Variants in SPIDR observed in about 807,000 individuals in gnomAD.
SPIDR encodes the protein scaffold protein involved in DNA repair, also known as DNA repair-scaffolding protein.
A neutral mutation model predicts 104.6 loss-of-function variants in SPIDR; 93 were observed. The ratio of observed to expected loss-of-function variants is 0.89; its 90% CI spans 0.75 to 1.06. SPIDR has a LOEUF of 1.06. Ranked by LOEUF, SPIDR falls within the 50% of genes least tolerant of loss-of-function variation. The pLI is 0.00. For missense variants in SPIDR, 1,154 were observed against 1,111.2 expected, an observed-to-expected ratio of 1.04 and a Z score of -0.55; for synonymous variants, 431 against 416.9, an observed-to-expected ratio of 1.03 and a Z score of -0.41.
At chr8:47,417,981 A>G (rs1051723088) in intron 7 of SPIDR, among the ~76,000 whole-genome samples, 13 of 152,042 alleles carry the variant, frequency 8.6e-5, no homozygotes, top group Non-Finnish European at 1.6e-4. Context: ...CCATTGGTCT[A>G]TGTCTCTGTT....
At chr8:47,579,619 CT>C (rs1479712405) in intron 8 of SPIDR, among the ~76,000 whole-genome samples, 10 of 152,284 alleles carry the variant, frequency 6.6e-5, no homozygotes, top group Admixed American at 2.6e-4. Flanking sequence ...CACAGGGACC[CT>C]TGTACAGTAC....
intron 5 of SPIDR, 28 bp from the exon 6 acceptor site, chr8:47,396,348 A>G (rs782067492): frequency 4.6e-5 from 70 of 1,526,184 alleles, no homozygotes; most frequent in Non-Finnish European, 5.6e-5. Flanking sequence ...GTATTTAAAA[A>G]TATGCCTTTC....
intron 5 of SPIDR, among the ~76,000 whole-genome samples, chr8:47,346,931 G>T (rs1334171848): frequency 2.6e-5 from 4 of 151,930 alleles, no homozygotes; most frequent in Admixed American, 2.0e-4. Context: ...TTTTTGAAGG[G>T]TTTTTTTGTG....
In SPIDR at chr8:47,277,669, C is replaced by CTTTTTT. The variant is rs1209041690; in HGVS notation, c.34-2176_34-2171dup. On this transcript the variant is annotated intron_variant, in intron 1 of 19. Transcript: ENST00000297423. ...TTGTGCCCTACCCTGTGTTTAACCT[C>CTTTTTT]TTTTTTTTTTTTTTTTTTTTTTGAG... Among the ~76,000 whole-genome samples, 3 of 110,506 alleles carry CTTTTTT rather than the reference C, an allele frequency of 2.7e-5. 1 individual carries two copies. Among genetic ancestry groups the CTTTTTT allele is most frequent in the Non-Finnish European group, 3.7e-5 (2 of 53,570 alleles). The allele number at this position is 110,506 out of a possible 152,430, so 72.5% of individuals were successfully genotyped here.
intron 6 of SPIDR, among the ~76,000 whole-genome samples, chr8:47,402,445 T>C (rs1290312962): frequency 1.3e-5 from 2 of 152,042 alleles, no homozygotes; most frequent in African/African-American, 4.8e-5. Context: ...ACGAAATTGA[T>C]AGACTGCTAG....
chr8:47,578,498 A>G (rs1564383320), intron 8 of SPIDR, among the ~76,000 whole-genome samples: 3 of 152,114 alleles, frequency 2.0e-5, no homozygotes, highest in Non-Finnish European at 4.4e-5. Flanking sequence ...TAATAATCAA[A>G]TAGAACAAGT....
At chr8:47,688,765 G>T (rs2078208833) in intron 11 of SPIDR, among the ~76,000 whole-genome samples, 1 of 152,230 alleles carries the variant, frequency 6.6e-6, no homozygotes, top group South Asian at 2.1e-4. Flanking sequence ...TGTCTTCCAG[G>T]AGCGGAGTTC....
intron 8 of SPIDR, among the ~76,000 whole-genome samples, chr8:47,515,325 C>CT (rs889075745): frequency 1.3e-5 from 2 of 152,220 alleles, no homozygotes; most frequent in African/African-American, 2.4e-5. Flanking sequence ...TTGTTCTCTG[C>CT]TTTTTTAAGT....
At chr8:47,667,548 A>C (rs946790013) in intron 10 of SPIDR, among the ~76,000 whole-genome samples, 2 of 152,004 alleles carry the variant, frequency 1.3e-5, no homozygotes, top group Non-Finnish European at 2.9e-5. Flanking sequence ...CTGCAAACTA[A>C]TGATCTAAGC....
chr8:47,286,976 T>G (rs2038963739), intron 3 of SPIDR, among the ~76,000 whole-genome samples: 1 of 152,192 alleles, frequency 6.6e-6, no homozygotes, highest in Non-Finnish European at 1.5e-5. Flanking sequence ...CAACGTAGGT[T>G]CTTTGTATTT....
At chr8:47,369,478 A>G (rs1221306752) in intron 5 of SPIDR, among the ~76,000 whole-genome samples, 3 of 152,200 alleles carry the variant, frequency 2.0e-5, no homozygotes, top group Non-Finnish European at 4.4e-5. Context: ...TAGAAACTGC[A>G]ATTTCCTTTG....
chr8:47,530,600 G>T (rs571062912), intron 8 of SPIDR, among the ~76,000 whole-genome samples: 1 of 152,304 alleles, frequency 6.6e-6, no homozygotes, highest in Non-Finnish European at 1.5e-5. Context: ...ACTGGAAGTT[G>T]TTCTGGGGTC....
At chr8:47,297,397 G>T (rs894178486) in intron 5 of SPIDR, among the ~76,000 whole-genome samples, 1 of 152,022 alleles carries the variant, frequency 6.6e-6, no homozygotes, top group Non-Finnish European at 1.5e-5. Context: ...TATACATAAT[G>T]TGTTGACAGT....
intron 5 of SPIDR, among the ~76,000 whole-genome samples, chr8:47,316,687 G>A (rs191798217): frequency 1.4e-4 from 21 of 152,256 alleles, no homozygotes; most frequent in African/African-American, 4.3e-4. Context: ...TGCTGTCTTC[G>A]ATAGTGGGGT....
At chr8:47,390,122 T>C (rs1295869253) in intron 5 of SPIDR, among the ~76,000 whole-genome samples, 1 of 152,134 alleles carries the variant, frequency 6.6e-6, no homozygotes, top group Non-Finnish European at 1.5e-5. Context: ...AAGTTTAAAA[T>C]TACTCAGTGA....
intron 8 of SPIDR, among the ~76,000 whole-genome samples, chr8:47,571,466 A>G (rs1297683184): frequency 1.3e-5 from 2 of 152,224 alleles, no homozygotes; most frequent in Non-Finnish European, 2.9e-5. Context: ...ATAATAATGA[A>G]ATAAAATGAA....
chr8:47,671,656 A>G (rs1364809440), intron 10 of SPIDR, among the ~76,000 whole-genome samples: 1 of 151,708 alleles, frequency 6.6e-6, no homozygotes, highest in Admixed American at 6.6e-5. Flanking sequence ...TTATTTTACC[A>G]TCATTCTTGA....
At chr8:47,341,527 TTCC>T (rs1183878359) in intron 5 of SPIDR, among the ~76,000 whole-genome samples, 13 of 152,228 alleles carry the variant, frequency 8.5e-5, no homozygotes, top group Non-Finnish European at 1.8e-4. Flanking sequence ...AAATACTAAA[TTCC>T]ATTTTCTGTT....
At chr8:47,540,710 C>A (rs2087934770) in intron 8 of SPIDR, among the ~76,000 whole-genome samples, 1 of 152,170 alleles carries the variant, frequency 6.6e-6, no homozygotes, top group African/African-American at 2.4e-5. Context: ...TCTTTCCCCC[C>A]ATTGCCCCTA....
Sources: allele counts gnomAD v4.1 joint callset (sites outside exome capture counted in the v4.1 genomes callset), GRCh38; gene constraint gnomAD v4.1.1; transcripts MANE v1.5; gene names NCBI Gene and HGNC (gene_info 2026-07-23, HGNC 2026-07-21).